PRKAG2: variants seen among roughly 807,000 people sequenced by gnomAD.
PRKAG2 encodes the protein protein kinase AMP-activated non-catalytic subunit gamma 2.
A neutral mutation model predicts 69.6 loss-of-function variants in PRKAG2; 26 were observed. The observed-to-expected ratio is 0.37, with a 90% CI of 0.27 to 0.52. The LOEUF (loss-of-function observed/expected upper bound fraction) is 0.52. PRKAG2 is among the 20% of genes least tolerant of loss of function. The pLI is 0.90. For synonymous variants in PRKAG2, 293 were observed against 285.0 expected (o/e 1.03, Z -0.28); for missense variants, 557 against 740.0 (o/e 0.75, Z 2.87).
intron 5 of PRKAG2, among the ~76,000 whole-genome samples, chr7:151,623,740 C>T (rs1299025865): frequency 1.3e-5 from 2 of 152,078 alleles, no homozygotes; most frequent in African/African-American, 4.8e-5. Flanking sequence ...AAATGAGACT[C>T]TAAGGTGAAT....
intron 4 of PRKAG2, among the ~76,000 whole-genome samples, chr7:151,640,521 G>C (rs1563324825): frequency 6.6e-6 from 1 of 152,014 alleles, no homozygotes; most frequent in African/African-American, 2.4e-5. Flanking sequence ...CTGCTGTAAG[G>C]GTTTCTGAGC....
At chr7:151,559,250 G>T (rs80248081) in intron 15 of PRKAG2, 2 of 972,226 alleles carry the variant, frequency 2.1e-6, no homozygotes, top group African/African-American at 1.8e-5. Flanking sequence ...ATCCTGTATC[G>T]TATTCCATCG....
chr7:151,563,768 G>C (rs1322938006), intron 14 of PRKAG2, among the ~76,000 whole-genome samples: 1 of 152,172 alleles, frequency 6.6e-6, no homozygotes, highest in Non-Finnish European at 1.5e-5. Flanking sequence ...TTTTAGTAGA[G>C]ACAAGGTCTT....
chr7:151,583,059 T>C lies in PRKAG2; in HGVS notation c.865-6607A>G, dbSNP rs192984054. 1.1e-3 allele frequency among the ~76,000 whole-genome samples: 165 copies of C among 152,360 alleles called. 5 individuals are homozygous for C. The East Asian group carries it at 0.031, about 29-fold the overall frequency. On this transcript the variant is annotated intron_variant, in intron 6 of 15. Coordinates refer to ENST00000287878, the MANE Select transcript of PRKAG2 (RefSeq NM_016203.4). The surrounding 1 kb of genome is among the most constrained non-coding windows in gnomAD (Gnocchi z 4.1). ...CTTTGGAGACAGGGTCTTACTCTGT[T>C]GCCCAGGCTCAAGTATAGTGGTATG...
intron 4 of PRKAG2, among the ~76,000 whole-genome samples, chr7:151,672,632 C>A (rs1242728081): frequency 6.6e-6 from 1 of 151,956 alleles, no homozygotes; most frequent in Non-Finnish European, 1.5e-5. Flanking sequence ...ATGCAGTATG[C>A]GTCCTTTTGT....
chr7:151,781,514 CCT>C lies in PRKAG2; in HGVS notation c.187-85_187-84del. The stretch of plus-strand genomic sequence containing the variant: ...TGCCCTGTATGAAACTTATCATTGT[CCT>C]CTCTCACATGCGGGCCCCCCATAGT... On this transcript the variant is annotated intron_variant, in intron 2 of 15. Coordinates refer to ENST00000287878, the MANE Select transcript of PRKAG2 (RefSeq NM_016203.4). This position sits in a 1 kb window ranked among gnomAD's most constrained non-coding sequence, Gnocchi z 6.1. 1 of 1,496,912 alleles carries C rather than the reference CCT, an allele frequency of 6.7e-7. No individual in the cohort carries two copies. The highest frequency in any genetic ancestry group is 2.3e-4 in the Middle Eastern group (1 of 4,298). 92.7% of individuals were successfully genotyped at this position (1,496,912 alleles called of 1,614,324 possible).
chr7:151,663,305 G>A lies in PRKAG2; in HGVS notation c.684+12115C>T, dbSNP rs901817174. On this transcript the variant is annotated intron_variant, in intron 4 of 15. Coordinates refer to ENST00000287878, the MANE Select transcript of PRKAG2 (RefSeq NM_016203.4). ...AAAGCAGAGTGTGTAATTCTATAAC[G>A]CTCTGAAGGCAAGGAGTATAATCTT... 3.3e-5 allele frequency among the ~76,000 whole-genome samples: 5 copies of A among 152,102 alleles called. 1 individual carries two copies. The highest frequency in any genetic ancestry group is 6.6e-5 in the Admixed American group (1 of 15,266).
At chr7:151,729,025 G>C (rs140758374) in intron 3 of PRKAG2, among the ~76,000 whole-genome samples, 1 of 152,162 alleles carries the variant, frequency 6.6e-6, no homozygotes, top group Non-Finnish European at 1.5e-5. Flanking sequence ...AGTGACTCCG[G>C]GAGTCCTCGG....
At chr7:151,784,993 C>T (rs548044085) in intron 2 of PRKAG2, among the ~76,000 whole-genome samples, 54 of 152,352 alleles carry the variant, frequency 3.5e-4, no homozygotes, top group South Asian at 1.2e-3. Flanking sequence ...AGATAACAGG[C>T]GCCAGCTGAA....
At position 151,556,900 on chromosome 7, in the gene PRKAG2, T is replaced by C. The variant is rs531519011; in HGVS notation, c.*301A>G. ...ACCTTATGCCACATCACCTGTTCCATACCAGTGAATTCTTTGAAATGAAAA... is the reference window on the plus strand; with the variant it reads ...ACCTTATGCCACATCACCTGTTCCACACCAGTGAATTCTTTGAAATGAAAA... On this transcript the variant is annotated 3_prime_UTR_variant, in exon 16 of 16. Transcript: ENST00000287878. 203 of 427,282 alleles carry C rather than the reference T, an allele frequency of 4.8e-4. 2 individuals carry two copies. In the Middle Eastern group the frequency reaches 8.9e-3, roughly 19 times the overall value. 26.5% of individuals were successfully genotyped at this position (427,282 alleles called of 1,614,324 possible). A position where few individuals can be genotyped will look rare whatever the true frequency, so the allele number is the denominator to read the frequency against.
At chr7:151,682,923 C>G (rs1834101523) in intron 3 of PRKAG2, among the ~76,000 whole-genome samples, 1 of 152,238 alleles carries the variant, frequency 6.6e-6, no homozygotes, top group African/African-American at 2.4e-5. Flanking sequence ...CCTAAGGGCC[C>G]AGGCAGAACT....
At chr7:151,854,569 G>A (rs1045875087) in intron 1 of PRKAG2, among the ~76,000 whole-genome samples, 1 of 152,238 alleles carries the variant, frequency 6.6e-6, no homozygotes, top group Non-Finnish European at 1.5e-5. Context: ...GAATCCAGCC[G>A]CCAAACTCGA....
At chr7:151,697,767 C>T (rs1836939707) in intron 3 of PRKAG2, among the ~76,000 whole-genome samples, 1 of 152,062 alleles carries the variant, frequency 6.6e-6, no homozygotes, top group Non-Finnish European at 1.5e-5. Flanking sequence ...GACATCAGAG[C>T]CCAGAAAATG....
At chr7:151,635,262 C>T (rs1825545345) in intron 4 of PRKAG2, among the ~76,000 whole-genome samples, 1 of 152,160 alleles carries the variant, frequency 6.6e-6, no homozygotes, top group Non-Finnish European at 1.5e-5. Flanking sequence ...GGAACCACCA[C>T]TCTTAAAAAC....
intron 1 of PRKAG2, among the ~76,000 whole-genome samples, chr7:151,812,374 G>C (rs985237099): frequency 6.6e-6 from 1 of 152,134 alleles, no homozygotes; most frequent in Non-Finnish European, 1.5e-5. Context: ...TACTTTTAAA[G>C]GAAGAAAAAG....
At position 151,814,294 on chromosome 7, in the gene PRKAG2, G is replaced by T. The variant is rs2078568990; in HGVS notation, c.115-27753C>A. The stretch of plus-strand genomic sequence containing the variant: ...TAATAAGAGGCTCTTGGAGAACAAA[G>T]CCACAATTCAGCATCAGTCTTACAC... On this transcript the variant is annotated intron_variant, in intron 1 of 15. Coordinates refer to ENST00000287878, the MANE Select transcript of PRKAG2 (RefSeq NM_016203.4). The surrounding 1 kb of genome is among the most constrained non-coding windows in gnomAD (Gnocchi z 4.8). The T allele has an allele frequency of 1.6e-6, 1 of 641,070 alleles. No individual in the cohort carries two copies. The allele number at this position is 641,070 out of a possible 1,614,324, so 39.7% of individuals were successfully genotyped here.
rs1458973720 is a variant in PRKAG2 at position 151,583,786 on chromosome 7, C to A, written c.865-7334G>T. 6.6e-6 allele frequency among the ~76,000 whole-genome samples: 1 copy of A among 152,154 alleles called. No individual in the cohort carries two copies. Among genetic ancestry groups the A allele is most frequent in the Non-Finnish European group, 1.5e-5 (1 of 68,028 alleles). ...GTTTACATTTTAATAGGATTTTCAA[C>A]ACATTTCAAAGCAAATGTGATAATT... On this transcript the variant is annotated intron_variant, in intron 6 of 15. Coordinates refer to ENST00000287878, the MANE Select transcript of PRKAG2 (RefSeq NM_016203.4). The surrounding 1 kb of genome is among the most constrained non-coding windows in gnomAD (Gnocchi z 4.1).
rs1487609643 is a variant in PRKAG2 at position 151,719,223 on chromosome 7, GC to G, written c.467-43587del. Among the ~76,000 whole-genome samples, 1 of 152,178 alleles carries G rather than the reference GC, an allele frequency of 6.6e-6. No homozygotes were observed. The highest frequency in any genetic ancestry group is 1.5e-5 in the Non-Finnish European group (1 of 68,042). ...CCATGGCAGAAGGGAGAGAGGTCCT[GC>G]CCCACTCCCGGTCTCTGCAACATGC... is the stretch of plus-strand genomic sequence containing the variant. On this transcript the variant is annotated intron_variant, in intron 3 of 15. Transcript: ENST00000287878. This position sits in a 1 kb window ranked among gnomAD's most constrained non-coding sequence, Gnocchi z 5.2.
chr7:151,665,095 G>A (rs889938681), intron 4 of PRKAG2, among the ~76,000 whole-genome samples: 9 of 152,166 alleles, frequency 5.9e-5, no homozygotes, highest in African/African-American at 2.2e-4. Flanking sequence ...GAGGCAGGAT[G>A]CACCCTTCAA....
Sources: gnomAD v4.1 joint callset for allele counts (sites outside exome capture counted in the v4.1 genomes callset) on GRCh38, gnomAD v4.1.1 for gene constraint, Gnocchi (gnomAD v3.1) non-coding constraint, MANE v1.5 for transcripts, NCBI Gene and HGNC (gene_info 2026-07-23, HGNC 2026-07-21) for gene names.